Variants in ALPK2 observed in about 807,000 individuals in gnomAD.
ALPK2 encodes the protein alpha-protein kinase 2.
A neutral mutation model predicts 163.1 loss-of-function variants in ALPK2; 127 were observed. The observed-to-expected ratio is 0.78, with a 90% CI of 0.67 to 0.90. The LOEUF (loss-of-function observed/expected upper bound fraction) is 0.90. ALPK2 is among the 40% of genes least tolerant of loss of function. ALPK2 has a pLI of 0.00. For synonymous variants in ALPK2, 953 were observed against 959.1 expected, an observed-to-expected ratio of 0.99 and a Z score of 0.12; for missense variants, 2,360 against 2,589.6, an observed-to-expected ratio of 0.91 and a Z score of 1.92.
intron 4 of ALPK2, among the ~76,000 whole-genome samples, chr18:58,558,165 G>A (rs2051804645): frequency 6.6e-6 from 1 of 152,100 alleles, no homozygotes; most frequent in Admixed American, 6.5e-5. Context: ...GGAACAATTT[G>A]GATATGTGAA....
At position 58,536,711 on chromosome 18, in the gene ALPK2, G is replaced by GT; in HGVS notation, c.3475dup (p.Thr1159AsnfsTer22). On this transcript the variant is annotated frameshift_variant, in exon 5 of 13. Transcript: ENST00000361673. ...TCTTTCCTCTTGTGCAGCAGATGTCGTAGGCAAACTTTGTTGGAAATCAGG... is the reference window on the plus strand; with the variant it reads ...TCTTTCCTCTTGTGCAGCAGATGTCGTTAGGCAAACTTTGTTGGAAATCAGG... The GT allele has an allele frequency of 6.2e-7, 1 of 1,614,180 alleles. No homozygotes were observed. Among genetic ancestry groups the GT allele is most frequent in the Non-Finnish European group, 8.5e-7 (1 of 1,180,034 alleles).
rs2051938060 is a variant in ALPK2, at chr18:58,578,882, C to G, written c.1894G>C (p.Gly632Arg). Residue 632 changes from glycine to arginine, a missense_variant, in exon 4 of 13, where the codon GGA becomes CGA. Coordinates refer to ENST00000361673, the MANE Select transcript of ALPK2 (RefSeq NM_052947.4). ...AGAGTATTAACTTGCATGCCTTCTC[C>G]CTTGCAATTTGTGTTGCCTTCTTTG... ...VSKEGNTNCKGEGMQVNTLFE... is the reference protein window; with the variant it reads ...VSKEGNTNCKREGMQVNTLFE... The G allele has an allele frequency of 6.2e-7, 1 of 1,614,034 alleles. No homozygotes were observed. Among genetic ancestry groups the G allele is most frequent in the Non-Finnish European group, 8.5e-7 (1 of 1,180,046 alleles).
chr18:58,484,539 A>T (rs541319887), intron 12 of ALPK2, among the ~76,000 whole-genome samples: 4 of 152,262 alleles, frequency 2.6e-5, no homozygotes, highest in African/African-American at 9.6e-5. Flanking sequence ...AGGTCAAGAG[A>T]TCGCAACCAT....
chr18:58,523,492 C>T (rs561769443), intron 8 of ALPK2, among the ~76,000 whole-genome samples: 86 of 152,092 alleles, frequency 5.7e-4, no homozygotes, highest in Non-Finnish European at 1.1e-3. Context: ...ATCACCACAC[C>T]GACTTCCACA....
intron 4 of ALPK2, among the ~76,000 whole-genome samples, chr18:58,547,933 A>C (rs756902184): frequency 1.3e-5 from 2 of 152,210 alleles, no homozygotes; most frequent in African/African-American, 2.4e-5. Context: ...CTAGGAGAGT[A>C]TTTTCAAATC....
intron 3 of ALPK2, among the ~76,000 whole-genome samples, chr18:58,591,449 C>T (rs2052014511): frequency 6.6e-6 from 1 of 152,224 alleles, no homozygotes; most frequent in Admixed American, 6.5e-5. Flanking sequence ...AGGGAAATGA[C>T]TTGTCTATAC....
chr18:58,623,772 T>C (rs1363734566), intron 1 of ALPK2, among the ~76,000 whole-genome samples: 1 of 152,236 alleles, frequency 6.6e-6, no homozygotes, highest in Non-Finnish European at 1.5e-5. Flanking sequence ...CCTGGCTGGT[T>C]CATTCCATTT....
rs1335168023 is a variant in ALPK2 at position 58,481,721 on chromosome 18, A to G, written c.*102T>C. 2.2e-6 allele frequency: 2 copies of G among 929,516 alleles called. No homozygotes were observed. Among genetic ancestry groups the G allele is most frequent in the Non-Finnish European group, 3.4e-6 (2 of 590,350 alleles). The allele number at this position is 929,516 out of a possible 1,614,324, so 57.6% of individuals were successfully genotyped here. A position where few individuals can be genotyped will look rare whatever the true frequency, so the allele number is the denominator to read the frequency against. On this transcript the variant is annotated 3_prime_UTR_variant, in exon 13 of 13. Transcript: ENST00000361673. ...CAGTCGGCTGGGAGTAAGGATTGCC[A>G]CGCACTCTCTGCAGGCTGTATATTC... is the stretch of plus-strand genomic sequence containing the variant.
At position 58,536,601 on chromosome 18, in the gene ALPK2, C is replaced by A. The variant is rs778411333; in HGVS notation, c.3586G>T (p.Val1196Leu). Reference sequence around the variant, plus strand: ...TCTTCTTCCCCAGCAGTTTCAGCCACCACGGAGACCCTCGTCCCCCAACCT... The same window carrying A: ...TCTTCTTCCCCAGCAGTTTCAGCCAACACGGAGACCCTCGTCCCCCAACCT... ...RSGWGTRVSV[V>L]AETAGEEDSQ... Residue 1196 changes from valine to leucine, a missense_variant, in exon 5 of 13, where the codon GTG becomes TTG. Val to Leu is a conservative substitution (Grantham distance 32, BLOSUM62 1). Coordinates refer to ENST00000361673, the MANE Select transcript of ALPK2 (RefSeq NM_052947.4). 1 of 1,614,158 alleles carries A rather than the reference C, an allele frequency of 6.2e-7. No individual in the cohort carries two copies. Among genetic ancestry groups the A allele is most frequent in the South Asian group, 1.1e-5 (1 of 91,070 alleles).
At chr18:58,620,150 G>T (rs78167909) in intron 1 of ALPK2, among the ~76,000 whole-genome samples, 2,812 of 152,298 alleles carry the variant, frequency 0.018, 38 homozygotes, top group East Asian at 0.075. Context: ...AATTAGCCGG[G>T]CATGGTGTCG....
chr18:58,523,966 T>C lies in ALPK2; in HGVS notation c.5598A>G (p.Lys1866=), dbSNP rs1242670354. The change falls in exon 7 of 13, where the codon AAA becomes AAG. Residue 1866 remains lysine (K), a synonymous_variant. Coordinates refer to ENST00000361673, the MANE Select transcript of ALPK2 (RefSeq NM_052947.4). ...YYCCIKNSYG[K]VTAEFNLTAE... is the part of the protein sequence containing the mutation. ...CTGTGAGGTTAAATTCAGCAGTCAC[T>C]TTTCCGTAGCTGTTCTTGATGCAGC... The C allele has an allele frequency of 2.5e-6, 4 of 1,614,168 alleles. 1 individual carries two copies. In the South Asian group the frequency reaches 3.3e-5, roughly 13 times the overall value.
At chr18:58,493,100 G>A (rs988329079) in intron 12 of ALPK2, among the ~76,000 whole-genome samples, 8 of 152,288 alleles carry the variant, frequency 5.3e-5, no homozygotes, top group Admixed American at 4.6e-4. Flanking sequence ...TGGCCTTCCA[G>A]GACAGATGAC....
chr18:58,582,604 C>T (rs9957268), intron 3 of ALPK2, among the ~76,000 whole-genome samples: 129,927 of 151,898 alleles, frequency 0.86, 55,979 homozygotes, highest in East Asian at 1. Context: ...AAGAGATTTA[C>T]TTTGAGCCAA....
At chr18:58,578,686 T>C in intron 4 of ALPK2, 128 bp downstream of exon 4, 1 of 884,346 alleles carries the variant, frequency 1.1e-6, no homozygotes, top group Non-Finnish European at 1.7e-6. Flanking sequence ...AAACTTATTT[T>C]GATTTACATT....
intron 4 of ALPK2, among the ~76,000 whole-genome samples, chr18:58,542,791 G>A (rs552653563): frequency 6.6e-6 from 1 of 152,308 alleles, no homozygotes; most frequent in South Asian, 2.1e-4. Context: ...CCAGGAGTAG[G>A]TGGTCAGCAT....
intron 4 of ALPK2, among the ~76,000 whole-genome samples, chr18:58,573,262 G>GTGTATATATGTATATA (rs1194031754): frequency 7.5e-5 from 10 of 132,596 alleles, no homozygotes; most frequent in African/African-American, 2.1e-4. Context: ...ATGTATATAT[G>GTGTATATATGTATATA]TGTATATATA....
intron 4 of ALPK2, among the ~76,000 whole-genome samples, chr18:58,565,731 GTTCCTTCCTTCC>G (rs74183271): frequency 0.022 from 3,221 of 145,878 alleles, 61 homozygotes; most frequent in East Asian, 0.067. Flanking sequence ...TCTCTTTTTT[GTTCCTTCCTTCC>G]TTCCTTCCTT....
intron 4 of ALPK2, among the ~76,000 whole-genome samples, chr18:58,567,587 C>T (rs1228989835): frequency 6.6e-6 from 1 of 152,104 alleles, no homozygotes; most frequent in Non-Finnish European, 1.5e-5. Context: ...TTTGCCAGGA[C>T]ATGTTTCTGT....
intron 4 of ALPK2, among the ~76,000 whole-genome samples, chr18:58,554,845 T>C (rs1278780786): frequency 1.3e-5 from 2 of 152,148 alleles, no homozygotes; most frequent in African/African-American, 4.8e-5. Flanking sequence ...AGGGACCCCA[T>C]GGGAGGTAAT....
Sources: gnomAD v4.1 joint callset for allele counts (sites outside exome capture counted in the v4.1 genomes callset) on GRCh38, gnomAD v4.1.1 for gene constraint, MANE v1.5 for transcripts, NCBI Gene and HGNC (gene_info 2026-07-23, HGNC 2026-07-21) for gene names.